Variants in NRXN3 observed in about 807,000 individuals in gnomAD.
NRXN3 encodes the protein neurexin 3, also known as neurexin III.
A neutral mutation model predicts 137.6 loss-of-function variants in NRXN3; 32 were observed. The observed-to-expected ratio is 0.23, with a 90% confidence interval of 0.18 to 0.31. The LOEUF is 0.31. NRXN3 is among the 10% of genes least tolerant of loss of function. The probability of loss-of-function intolerance (pLI) is 1.00; values close to 1 mark genes in which losing one functional copy is unlikely to be tolerated. For missense variants in NRXN3, 1,574 were observed against 2,062.5 expected, an observed-to-expected ratio of 0.76 and a Z score of 4.59; for synonymous variants, 798 against 784.5, an observed-to-expected ratio of 1.02 and a Z score of -0.29.
At chr14:79,662,138 C>T (rs565856731) in intron 16 of NRXN3, among the ~76,000 whole-genome samples, 1 of 152,126 alleles carries the variant, frequency 6.6e-6, no homozygotes, top group African/African-American at 2.4e-5. Context: ...AACTGTGAGT[C>T]AATTAAACCT....
intron 19 of NRXN3, among the ~76,000 whole-genome samples, chr14:79,793,632 C>T (rs2140338268): frequency 6.6e-6 from 1 of 152,168 alleles, no homozygotes; most frequent in Non-Finnish European, 1.5e-5. Context: ...ACTAAGGGCC[C>T]CCTTGCCCAA....
intron 15 of NRXN3, among the ~76,000 whole-genome samples, chr14:79,347,452 C>T (rs1471206759): frequency 6.6e-6 from 1 of 150,882 alleles, no homozygotes; most frequent in Admixed American, 6.6e-5. Flanking sequence ...AACAGAGTCT[C>T]GCTCTGTCAC....
intron 4 of NRXN3, among the ~76,000 whole-genome samples, chr14:78,541,319 ACT>A (rs1412041003): frequency 6.6e-6 from 1 of 151,170 alleles, no homozygotes; most frequent in African/African-American, 2.4e-5. Flanking sequence ...ATTTCTTTTT[ACT>A]CTTTTTTCCC....
intron 4 of NRXN3, among the ~76,000 whole-genome samples, chr14:78,516,471 A>C (rs2096209766): frequency 6.6e-6 from 1 of 151,164 alleles, no homozygotes; most frequent in African/African-American, 2.4e-5. Flanking sequence ...TCTGTTGCTT[A>C]GATTGCCCAT....
chr14:78,862,925 T>C (rs1334878073), intron 10 of NRXN3, among the ~76,000 whole-genome samples: 1 of 152,196 alleles, frequency 6.6e-6, no homozygotes, highest in African/African-American at 2.4e-5. Flanking sequence ...CATTTCCTTG[T>C]AATTCTGGAT....
chr14:79,492,892 G>C (rs1259843672), intron 16 of NRXN3, among the ~76,000 whole-genome samples: 2 of 152,166 alleles, frequency 1.3e-5, no homozygotes, highest in Non-Finnish European at 2.9e-5. Flanking sequence ...CTTCCAGAAA[G>C]CATGTTTTAA....
At chr14:79,365,719 C>CT (rs1167457672) in intron 15 of NRXN3, among the ~76,000 whole-genome samples, 1 of 46,810 alleles carries the variant, frequency 2.1e-5, no homozygotes, top group East Asian at 4.3e-4. Context: ...GAGCGAGACT[C>CT]TGTCTCAAAA....
intron 15 of NRXN3, among the ~76,000 whole-genome samples, chr14:79,075,977 C>G (rs946065171): frequency 6.6e-6 from 1 of 152,124 alleles, no homozygotes; most frequent in African/African-American, 2.4e-5. Flanking sequence ...TCTGCAGAGC[C>G]TTTTTTAGCT....
At chr14:78,200,128 A>T (rs2061549502) in intron 1 of NRXN3, among the ~76,000 whole-genome samples, 1 of 152,134 alleles carries the variant, frequency 6.6e-6, no homozygotes, top group Non-Finnish European at 1.5e-5. Flanking sequence ...AGTGGTTGGA[A>T]AGTCCTTGCT....
chr14:78,945,916 C>T (rs932242333), intron 10 of NRXN3, among the ~76,000 whole-genome samples: 1 of 152,232 alleles, frequency 6.6e-6, no homozygotes, highest in African/African-American at 2.4e-5. Context: ...GCCCTCAGAC[C>T]TTCTAAGTGG....
intron 1 of NRXN3, among the ~76,000 whole-genome samples, chr14:78,225,079 T>C (rs1177779206): frequency 1.3e-5 from 2 of 152,254 alleles, no homozygotes; most frequent in African/African-American, 4.8e-5. Flanking sequence ...TGTGTCTTTA[T>C]AGCAGCATGA....
intron 19 of NRXN3, among the ~76,000 whole-genome samples, chr14:79,787,974 G>C (rs1275866434): frequency 6.6e-6 from 1 of 152,018 alleles, no homozygotes; most frequent in East Asian, 1.9e-4. Flanking sequence ...TGTTAGTCTA[G>C]TCTGTTCTCA....
At chr14:79,636,524 A>C (rs952797853) in intron 16 of NRXN3, among the ~76,000 whole-genome samples, 4 of 152,178 alleles carry the variant, frequency 2.6e-5, no homozygotes, top group Non-Finnish European at 5.9e-5. Flanking sequence ...AATGAAGCCC[A>C]AGTACTTGCT....
chr14:78,959,449 GA>G (rs760348205), intron 11 of NRXN3, among the ~76,000 whole-genome samples: 3 of 152,056 alleles, frequency 2.0e-5, no homozygotes, highest in Non-Finnish European at 4.4e-5. Flanking sequence ...TACAATATGG[GA>G]AAAATATAAT....
intron 15 of NRXN3, among the ~76,000 whole-genome samples, chr14:79,248,044 C>A (rs985043366): frequency 6.6e-6 from 1 of 152,190 alleles, no homozygotes; most frequent in Non-Finnish European, 1.5e-5. Context: ...TCATAGTTCA[C>A]AGCAGCCTTG....
At position 78,930,701 on chromosome 14, in the gene NRXN3, G is replaced by C. The variant is rs1597521361; in HGVS notation, c.2276-26541G>C. 2.0e-5 allele frequency among the ~76,000 whole-genome samples: 3 copies of C among 152,294 alleles called. No individual in the cohort carries two copies. In the South Asian group the frequency reaches 6.2e-4, roughly 32 times the overall value. Reference sequence around the variant, plus strand: ...CAAAGAATGTATGTCAATTCATTAAGGCATGCAGCTGCTAAGTGGGGAGCC... The same window carrying C: ...CAAAGAATGTATGTCAATTCATTAACGCATGCAGCTGCTAAGTGGGGAGCC... On this transcript the variant is annotated intron_variant, in intron 10 of 20. Transcript: ENST00000335750.
intron 20 of NRXN3, among the ~76,000 whole-genome samples, chr14:79,817,306 G>A (rs941025365): frequency 2.0e-5 from 3 of 152,088 alleles, no homozygotes; most frequent in Non-Finnish European, 4.4e-5. Context: ...GCCTGCCTTG[G>A]CCTCCCGAAG....
At chr14:79,284,986 C>T (rs138432735) in intron 15 of NRXN3, among the ~76,000 whole-genome samples, 30 of 152,202 alleles carry the variant, frequency 2.0e-4, no homozygotes, top group African/African-American at 7.2e-4. Context: ...CCTCTAGATG[C>T]GTTGTTTTTC....
At chr14:78,905,770 A>G (rs1363534223) in intron 10 of NRXN3, among the ~76,000 whole-genome samples, 2 of 152,058 alleles carry the variant, frequency 1.3e-5, no homozygotes, top group Non-Finnish European at 2.9e-5. Context: ...TATTTTCCCA[A>G]TTTGAAAGAT....
Sources: allele counts gnomAD v4.1 joint callset (sites outside exome capture counted in the v4.1 genomes callset), GRCh38; gene constraint gnomAD v4.1.1; transcripts MANE v1.5; gene names NCBI Gene and HGNC (gene_info 2026-07-23, HGNC 2026-07-21).